Variants in GKAP1 observed in about 807,000 individuals in gnomAD.
GKAP1 encodes G kinase anchoring protein 1, also known as G kinase-anchoring protein 1.
GKAP1 carries 31 observed loss-of-function variants against 56.7 expected under a neutral mutation model. That is an observed-to-expected ratio of 0.55 (90% CI 0.41 to 0.74). GKAP1 has a LOEUF of 0.74. GKAP1 is among the 30% of genes least tolerant of loss of function. GKAP1 has a pLI of 0.00. For synonymous variants in GKAP1, 151 were observed against 138.6 expected, an observed-to-expected ratio of 1.09 and a Z score of -0.63; for missense variants, 364 against 402.3, an observed-to-expected ratio of 0.90 and a Z score of 0.82.
At chr9:83,771,237 G>GTTGTTTGT (rs57442408) in intron 7 of GKAP1, among the ~76,000 whole-genome samples, 5,254 of 150,834 alleles carry the variant, frequency 0.035, 95 homozygotes, top group African/African-American at 0.047. Flanking sequence ...TAATTTTTTT[G>GTTGTTTGT]TTGTTTGTTT....
At chr9:83,745,273 A>C (rs1943274011) in intron 10 of GKAP1, among the ~76,000 whole-genome samples, 1 of 152,162 alleles carries the variant, frequency 6.6e-6, no homozygotes, top group African/African-American at 2.4e-5. Context: ...GGCTCAAGCG[A>C]TCCACCTGTC....
At position 83,784,719 on chromosome 9, in the gene GKAP1, C is replaced by T. The variant is rs368678742; in HGVS notation, c.558G>A (p.Ser186=). ...ATAGCATTGTATATACATTACCTTC[C>T]GAATGAAAATCTTTTAGTGATACTG... ...PLTVSLKDFH[S]EDHISKKTEE... Residue 186 remains serine (S), a synonymous_variant, in exon 6 of 13, where the codon TCG becomes TCA. Transcript: ENST00000376371. 2.8e-4 allele frequency: 451 copies of T among 1,584,680 alleles called. 1 individual carries two copies. Among genetic ancestry groups the T allele is most frequent in the African/African-American group, 5.4e-4 (40 of 73,468 alleles).
intron 9 of GKAP1, 57 bp downstream of exon 9, chr9:83,753,201 A>G: frequency 9.5e-7 from 1 of 1,047,766 alleles, no homozygotes; most frequent in Non-Finnish European, 1.4e-6. Context: ...TAAGAAAAAC[A>G]GAAAACGTGA....
chr9:83,806,896 A>G (rs1944447602), intron 2 of GKAP1, among the ~76,000 whole-genome samples: 1 of 152,186 alleles, frequency 6.6e-6, no homozygotes, highest in Admixed American at 6.5e-5. Flanking sequence ...ACAGTGGAAA[A>G]GAATATCATT....
intron 8 of GKAP1, among the ~76,000 whole-genome samples, chr9:83,766,289 A>ACCTCTTTCCTTGATAAATTACC (rs1943662517): frequency 6.6e-6 from 1 of 152,102 alleles, no homozygotes; most frequent in Admixed American, 6.5e-5. Context: ...AGTCAATTAC[A>ACCTCTTTCCTTGATAAATTACC]CCTCTTTCCT....
intron 4 of GKAP1, among the ~76,000 whole-genome samples, chr9:83,798,733 C>G (rs752535153): frequency 2.6e-5 from 4 of 152,030 alleles, no homozygotes; most frequent in Non-Finnish European, 5.9e-5. Context: ...CCAGGGTGGT[C>G]TCAAACTCCT....
At chr9:83,782,911 C>T (rs1358528157) in intron 6 of GKAP1, among the ~76,000 whole-genome samples, 2 of 152,096 alleles carry the variant, frequency 1.3e-5, no homozygotes, top group Non-Finnish European at 2.9e-5. Flanking sequence ...TGAAATGGAT[C>T]TACCTGCGTT....
intron 2 of GKAP1, among the ~76,000 whole-genome samples, chr9:83,813,189 C>G (rs775200320): frequency 2.6e-5 from 4 of 152,156 alleles, no homozygotes; most frequent in Non-Finnish European, 5.9e-5. Context: ...TATACTTTTT[C>G]TCCTTCAAAT....
chr9:83,802,629 G>A (rs1209150158), intron 3 of GKAP1, among the ~76,000 whole-genome samples: 1 of 151,960 alleles, frequency 6.6e-6, no homozygotes, highest in Admixed American at 6.6e-5. Context: ...AGGAGTTTGA[G>A]AACAGCCTGG....
intron 9 of GKAP1, among the ~76,000 whole-genome samples, chr9:83,750,719 CTTCT>C (rs1943374854): frequency 6.6e-6 from 1 of 152,136 alleles, no homozygotes; most frequent in Non-Finnish European, 1.5e-5. Context: ...CTCAAGTATT[CTTCT>C]TTGACTAATA....
chr9:83,804,538 CCCGCCCAGCCAGACGCCCCG>C (rs1267212805), intron 3 of GKAP1, among the ~76,000 whole-genome samples: 4 of 67,022 alleles, frequency 6.0e-5, no homozygotes, highest in African/African-American at 3.0e-4. Context: ...GGGTCAGCCC[CCCGCCCAGCCAGACGCCCCG>C]TCCGGGAGGG....
At chr9:83,742,239 G>A (rs1234243044) in intron 11 of GKAP1, among the ~76,000 whole-genome samples, 1 of 142,050 alleles carries the variant, frequency 7.0e-6, no homozygotes, top group Non-Finnish European at 1.5e-5. Context: ...GGATGTGAAG[G>A]GGAGAAAAAT....
intron 7 of GKAP1, among the ~76,000 whole-genome samples, chr9:83,769,634 A>G (rs1246305122): frequency 6.6e-6 from 1 of 152,148 alleles, no homozygotes; most frequent in African/African-American, 2.4e-5. Context: ...GTTGATAGAC[A>G]TTTGGGTTGT....
chr9:83,765,575 G>A (rs940129548), intron 8 of GKAP1, among the ~76,000 whole-genome samples: 2 of 152,234 alleles, frequency 1.3e-5, no homozygotes, highest in African/African-American at 4.8e-5. Context: ...AGTGGAGGCT[G>A]TACCCTGCAA....
chr9:83,795,005 A>C (rs1395804654), intron 4 of GKAP1, among the ~76,000 whole-genome samples: 1 of 151,932 alleles, frequency 6.6e-6, no homozygotes, highest in Non-Finnish European at 1.5e-5. Flanking sequence ...CAATACAAAA[A>C]ACTAGCCGGG....
intron 6 of GKAP1, 61 bp from the exon 7 acceptor site, chr9:83,780,465 TAAAAAA>T: frequency 4.8e-6 from 1 of 210,470 alleles, no homozygotes; most frequent in Non-Finnish European, 9.7e-6. Flanking sequence ...TACAAAAATG[TAAAAAA>T]AAAAAAAAAA....
chr9:83,767,774 C>A (rs1240534267), intron 8 of GKAP1, among the ~76,000 whole-genome samples: 3 of 152,150 alleles, frequency 2.0e-5, no homozygotes, highest in Non-Finnish European at 2.9e-5. Context: ...TGCAACCCCA[C>A]CTCCTGGGTT....
chr9:83,750,893 T>A (rs970044879), intron 9 of GKAP1, among the ~76,000 whole-genome samples: 1 of 151,740 alleles, frequency 6.6e-6, no homozygotes, highest in African/African-American at 2.4e-5. Flanking sequence ...CTGGAGTGCA[T>A]GGCACGATCT....
At chr9:83,748,434 C>A in intron 9 of GKAP1, 62 bp from the exon 10 acceptor site, 1 of 923,260 alleles carries the variant, frequency 1.1e-6, no homozygotes, top group South Asian at 1.5e-5. Flanking sequence ...TAATGATTTA[C>A]TGTCAACTTA....
Sources: allele counts gnomAD v4.1 joint callset (sites outside exome capture counted in the v4.1 genomes callset), GRCh38; gene constraint gnomAD v4.1.1; transcripts MANE v1.5; gene names NCBI Gene and HGNC (gene_info 2026-07-23, HGNC 2026-07-21).